The following OXR1 variants were observed in gnomAD, a reference collection of about 807,000 sequenced individuals.
OXR1 encodes oxidation resistance 1, also known as oxidation resistance protein 1.
A neutral mutation model predicts 104.6 loss-of-function variants in OXR1; 41 were observed. The ratio of observed to expected loss-of-function variants is 0.39; its 90% CI spans 0.31 to 0.51. The LOEUF is 0.51. OXR1 is among the 20% of genes least tolerant of loss of function. OXR1 has a pLI of 0.77. For synonymous variants in OXR1, 348 were observed against 348.4 expected, an observed-to-expected ratio of 1.00 and a Z score of 0.01; for missense variants, 955 against 1,031.9, an observed-to-expected ratio of 0.93 and a Z score of 1.02.
chr8:106,524,305 A>T (rs962397993), intron 3 of OXR1, among the ~76,000 whole-genome samples: 1 of 152,200 alleles, frequency 6.6e-6, no homozygotes, highest in Non-Finnish European at 1.5e-5. Flanking sequence ...TTAAGCATGG[A>T]GGTAGTAAAG....
intron 3 of OXR1, among the ~76,000 whole-genome samples, chr8:106,673,033 C>T (rs1827206125): frequency 6.6e-6 from 1 of 152,094 alleles, no homozygotes; most frequent in South Asian, 2.1e-4. Flanking sequence ...AAGTGGGGTA[C>T]TGCTATAAAG....
intron 2 of OXR1, among the ~76,000 whole-genome samples, chr8:106,387,176 C>T (rs1031691920): frequency 4.6e-5 from 7 of 152,130 alleles, no homozygotes; most frequent in Non-Finnish European, 8.8e-5. Flanking sequence ...AGAATACAGA[C>T]ATGTTAAACT....
intron 3 of OXR1, among the ~76,000 whole-genome samples, chr8:106,540,341 T>A (rs80050847): frequency 0.049 from 7,487 of 152,282 alleles, 203 homozygotes; most frequent in Middle Eastern, 0.068. Context: ...AGCTTAATGT[T>A]AAAAAGGACT....
At chr8:106,691,115 A>T (rs1051046768) in intron 6 of OXR1, among the ~76,000 whole-genome samples, 4 of 152,018 alleles carry the variant, frequency 2.6e-5, no homozygotes, top group African/African-American at 9.7e-5. Flanking sequence ...ACTTTTTGTA[A>T]ATCATTTGCC....
chr8:106,405,141 CATATATAT>C lies in OXR1; in HGVS notation c.23+45559_23+45566del, dbSNP rs143485889. On this transcript the variant is annotated intron_variant, in intron 2 of 16. Coordinates refer to ENST00000517566, the MANE Select transcript of OXR1 (RefSeq NM_001198533.2). ...GATTAGAGAGCCAATTCAGAAACCACATATATATATATATATATATATATATATATATA... is the reference window on the plus strand; with the variant it reads ...GATTAGAGAGCCAATTCAGAAACCACATATATATATATATATATATATATA... Among the ~76,000 whole-genome samples the C allele has an allele frequency of 2.0e-3, 158 of 79,762 alleles. 3 individuals carry two copies. The highest frequency in any genetic ancestry group is 3.4e-3 in the Non-Finnish European group (126 of 36,758). The allele number at this position is 79,762 out of a possible 152,430, so 52.3% of individuals were successfully genotyped here. A position where few individuals can be genotyped will look rare whatever the true frequency, so the allele number is the denominator to read the frequency against.
chr8:106,302,550 C>A (rs1430725124), intron 1 of OXR1, among the ~76,000 whole-genome samples: 2 of 146,734 alleles, frequency 1.4e-5, no homozygotes, highest in African/African-American at 5.1e-5. Flanking sequence ...CGCGCCAGTG[C>A]ACTCCAGCCT....
intron 3 of OXR1, among the ~76,000 whole-genome samples, chr8:106,584,301 G>C (rs558270038): frequency 6.6e-6 from 1 of 151,360 alleles, no homozygotes; most frequent in African/African-American, 2.4e-5. Context: ...AGAGATACCA[G>C]ACTTAAAAAA....
At chr8:106,662,991 G>A (rs915061533) in intron 3 of OXR1, among the ~76,000 whole-genome samples, 2 of 152,030 alleles carry the variant, frequency 1.3e-5, no homozygotes, top group African/African-American at 4.8e-5. Context: ...GCTCTTTGGA[G>A]CATTTTGGAT....
chr8:106,573,083 T>C (rs1304111261), intron 3 of OXR1, among the ~76,000 whole-genome samples: 3 of 152,040 alleles, frequency 2.0e-5, no homozygotes, highest in African/African-American at 4.8e-5. Flanking sequence ...GAAAAGATTA[T>C]TATCCCAGCT....
intron 15 of OXR1, among the ~76,000 whole-genome samples, chr8:106,742,703 T>G (rs1835023865): frequency 1.3e-5 from 2 of 152,136 alleles, no homozygotes; most frequent in African/African-American, 4.8e-5. Context: ...AGGGAAAGGA[T>G]TCCCTATTTA....
chr8:106,659,602 G>T (rs28921376), intron 3 of OXR1, among the ~76,000 whole-genome samples: 1,629 of 152,316 alleles, frequency 0.011, 12 homozygotes, highest in Non-Finnish European at 0.017. Context: ...AACAGTTGAT[G>T]TGTGACCAGC....
intron 3 of OXR1, among the ~76,000 whole-genome samples, chr8:106,612,150 T>G (rs1820864943): frequency 6.6e-6 from 1 of 152,112 alleles, no homozygotes; most frequent in East Asian, 1.9e-4. Flanking sequence ...TGTTCATACC[T>G]TAAAGATTGT....
chr8:106,622,193 A>G (rs1821759673), intron 3 of OXR1, among the ~76,000 whole-genome samples: 1 of 152,078 alleles, frequency 6.6e-6, no homozygotes, highest in South Asian at 2.1e-4. Flanking sequence ...TCTTCTCAGA[A>G]TAAACCCAGA....
intron 6 of OXR1, among the ~76,000 whole-genome samples, chr8:106,687,637 G>A (rs957158091): frequency 2.0e-5 from 3 of 151,512 alleles, no homozygotes; most frequent in Non-Finnish European, 2.9e-5. Flanking sequence ...GGAGAATCAC[G>A]TGAACCCAGG....
chr8:106,740,008 G>T (rs558577215), intron 13 of OXR1, among the ~76,000 whole-genome samples: 1 of 152,174 alleles, frequency 6.6e-6, no homozygotes, highest in East Asian at 1.9e-4. Flanking sequence ...TTATTTAAGA[G>T]ATATTTTAAT....
At chr8:106,689,047 A>G (rs777884821) in intron 6 of OXR1, among the ~76,000 whole-genome samples, 17 of 152,268 alleles carry the variant, frequency 1.1e-4, no homozygotes, top group African/African-American at 1.7e-4. Context: ...TTAATTACCT[A>G]TATTAGTTTC....
At chr8:106,690,444 G>A (rs543886075) in intron 6 of OXR1, among the ~76,000 whole-genome samples, 5 of 151,158 alleles carry the variant, frequency 3.3e-5, no homozygotes, top group Admixed American at 1.3e-4. Flanking sequence ...AAAATTTTAT[G>A]GTTAGTATCT....
At chr8:106,582,177 CATAT>C (rs71562108) in intron 3 of OXR1, among the ~76,000 whole-genome samples, 29 of 119,328 alleles carry the variant, frequency 2.4e-4, no homozygotes, top group African/African-American at 3.5e-4. Flanking sequence ...TTTCTATTGA[CATAT>C]ATATATATAT....
At chr8:106,507,496 C>G (rs539386707) in intron 2 of OXR1, among the ~76,000 whole-genome samples, 2 of 152,148 alleles carry the variant, frequency 1.3e-5, no homozygotes, top group African/African-American at 4.8e-5. Context: ...CAAAAAGTAC[C>G]TTTTGAAATT....
Sources: allele counts gnomAD v4.1 joint callset (sites outside exome capture counted in the v4.1 genomes callset), GRCh38; gene constraint gnomAD v4.1.1; transcripts MANE v1.5; gene names NCBI Gene and HGNC (gene_info 2026-07-23, HGNC 2026-07-21).